STAG1: variants seen among roughly 807,000 people sequenced by gnomAD.
The protein encoded by STAG1 is cohesin subunit SA-1.
In STAG1, 26 loss-of-function variants were observed where a neutral mutation model predicts 170.9. The ratio of observed to expected loss-of-function variants is 0.15; its 90% confidence interval spans 0.11 to 0.21. The LOEUF (loss-of-function observed/expected upper bound fraction) is 0.21. STAG1 is among the 10% of genes least tolerant of loss of function. The pLI, the probability that STAG1 is intolerant of heterozygous loss-of-function variation, is 1.00. For synonymous variants in STAG1, 514 were observed against 497.7 expected, an observed-to-expected ratio of 1.03 and a Z score of -0.44; for missense variants, 964 against 1,509.5, an observed-to-expected ratio of 0.64 and a Z score of 5.99.
chr3:136,682,839 T>C (rs1942384290), intron 1 of STAG1, among the ~76,000 whole-genome samples: 1 of 152,176 alleles, frequency 6.6e-6, no homozygotes, highest in African/African-American at 2.4e-5. Flanking sequence ...AGTAGCATCA[T>C]TCACAATAGC....
chr3:136,735,708 G>T (rs948775281), intron 1 of STAG1, among the ~76,000 whole-genome samples: 15 of 152,202 alleles, frequency 9.9e-5, no homozygotes, highest in African/African-American at 3.6e-4. Flanking sequence ...CAACTCCCGG[G>T]TTCAAGCGAT....
intron 1 of STAG1, among the ~76,000 whole-genome samples, chr3:136,688,039 A>AAG (rs1942596326): frequency 6.6e-6 from 1 of 151,882 alleles, no homozygotes; most frequent in East Asian, 1.9e-4. Context: ...GCCCAGCCAG[A>AAG]AGAGACTAAT....
chr3:136,635,459 G>C (rs1940513910), intron 1 of STAG1, among the ~76,000 whole-genome samples: 1 of 152,068 alleles, frequency 6.6e-6, no homozygotes, highest in African/African-American at 2.4e-5. Context: ...GAAATATAGG[G>C]GAACATTCTC....
intron 3 of STAG1, among the ~76,000 whole-genome samples, chr3:136,619,770 A>AG (rs1939761441): frequency 6.6e-6 from 1 of 150,866 alleles, no homozygotes; most frequent in African/African-American, 2.4e-5. Flanking sequence ...AAAAAAAAAA[A>AG]AAAAAAAAAG....
chr3:136,555,684 A>G (rs1936585983), intron 5 of STAG1, among the ~76,000 whole-genome samples: 1 of 151,698 alleles, frequency 6.6e-6, no homozygotes, highest in Admixed American at 6.6e-5. Context: ...ACTCTGTCTC[A>G]ATCAATCAAT....
chr3:136,654,427 TAACC>T (rs1941309114), intron 1 of STAG1, among the ~76,000 whole-genome samples: 1 of 152,170 alleles, frequency 6.6e-6, no homozygotes, highest in Non-Finnish European at 1.5e-5. Flanking sequence ...ATGAATAACT[TAACC>T]AACAAGGTGA....
intron 3 of STAG1, among the ~76,000 whole-genome samples, chr3:136,607,676 T>C (rs1163461383): frequency 6.6e-6 from 1 of 152,252 alleles, no homozygotes; most frequent in Non-Finnish European, 1.5e-5. Flanking sequence ...GTGCTAGGAT[T>C]ACAGGCGTGA....
At chr3:136,607,463 T>C (rs571445709) in intron 3 of STAG1, among the ~76,000 whole-genome samples, 74 of 152,260 alleles carry the variant, frequency 4.9e-4, no homozygotes, top group Non-Finnish European at 3.2e-4. Context: ...AGTGCGGTGG[T>C]GCGATCTTTG....
At chr3:136,690,986 TTC>T (rs1360688813) in intron 1 of STAG1, among the ~76,000 whole-genome samples, 1 of 151,586 alleles carries the variant, frequency 6.6e-6, no homozygotes, top group African/African-American at 2.4e-5. Context: ...GACATGCATT[TTC>T]TTTCTTTTCA....
chr3:136,746,117 A>C (rs546595350), intron 1 of STAG1, among the ~76,000 whole-genome samples: 4 of 152,324 alleles, frequency 2.6e-5, no homozygotes, highest in African/African-American at 7.2e-5. Flanking sequence ...CTACAGACAC[A>C]ATTCTAATTC....
At chr3:136,494,882 A>C (rs1446740297) in intron 9 of STAG1, among the ~76,000 whole-genome samples, 1 of 152,176 alleles carries the variant, frequency 6.6e-6, no homozygotes, top group East Asian at 1.9e-4. Flanking sequence ...TATTGTTAAG[A>C]GGTTAATTCT....
At chr3:136,357,385 C>T (rs574548169) in intron 28 of STAG1, among the ~76,000 whole-genome samples, 1 of 152,028 alleles carries the variant, frequency 6.6e-6, no homozygotes, top group East Asian at 1.9e-4. Flanking sequence ...TGAAACAAGT[C>T]AAATAGAATA....
intron 7 of STAG1, 63 bp downstream of exon 7, chr3:136,521,150 T>C (rs1576558005): frequency 2.3e-6 from 3 of 1,281,632 alleles, no homozygotes; most frequent in East Asian, 2.4e-5. Context: ...ATTAAGTTTG[T>C]AATCAGAATA....
chr3:136,463,917 T>C (rs2089367318), intron 13 of STAG1, among the ~76,000 whole-genome samples: 1 of 146,486 alleles, frequency 6.8e-6, no homozygotes, highest in African/African-American at 2.5e-5. Context: ...ACATATAATA[T>C]ATATTTTAAA....
At chr3:136,362,623 G>GA (rs1301041525) in intron 26 of STAG1, among the ~76,000 whole-genome samples, 3 of 126,894 alleles carry the variant, frequency 2.4e-5, no homozygotes, top group Admixed American at 1.6e-4. Flanking sequence ...AAAAAAAAAA[G>GA]AAAAAAAAAG....
intron 21 of STAG1, among the ~76,000 whole-genome samples, chr3:136,416,953 C>A (rs2087793766): frequency 6.6e-6 from 1 of 150,402 alleles, no homozygotes; most frequent in African/African-American, 2.5e-5. Flanking sequence ...TCAAGCGATT[C>A]TCCAGCCTCA....
intron 12 of STAG1, among the ~76,000 whole-genome samples, chr3:136,468,837 CA>C (rs1193917691): frequency 6.6e-6 from 1 of 150,874 alleles, no homozygotes; most frequent in Non-Finnish European, 1.5e-5. Context: ...TCAATATACA[CA>C]AATCAATAAA....
chr3:136,541,221 A>G (rs879673707), intron 6 of STAG1, among the ~76,000 whole-genome samples: 11 of 152,158 alleles, frequency 7.2e-5, no homozygotes, highest in Non-Finnish European at 1.6e-4. Context: ...AAAACAACCA[A>G]TATTTTAGTG....
At chr3:136,681,749 A>G (rs1397398400) in intron 1 of STAG1, among the ~76,000 whole-genome samples, 1 of 152,212 alleles carries the variant, frequency 6.6e-6, no homozygotes, top group East Asian at 1.9e-4. Context: ...ATGAAAATCA[A>G]TACACTACAT....
Sources: gnomAD v4.1 joint callset for allele counts (sites outside exome capture counted in the v4.1 genomes callset) on GRCh38, gnomAD v4.1.1 for gene constraint, MANE v1.5 for transcripts, NCBI Gene and HGNC (gene_info 2026-07-23, HGNC 2026-07-21) for gene names.